ASXL3: variants seen among roughly 807,000 people sequenced by gnomAD.
ASXL3 encodes ASXL transcriptional regulator 3, also known as putative Polycomb group protein ASXL3.
Under a neutral mutation model 170.6 loss-of-function variants are expected in ASXL3, and 34 were observed. That is an observed-to-expected ratio of 0.20 (90% CI 0.15 to 0.27). ASXL3 has a LOEUF of 0.27. Among genes scored for constraint, ASXL3 ranks in the 10% least tolerant of loss-of-function variants. The pLI, the probability that ASXL3 is intolerant of heterozygous loss-of-function variation, is 1.00. For missense variants in ASXL3, 2,592 were observed against 2,695.3 expected, an observed-to-expected ratio of 0.96 and a Z score of 0.85; for synonymous variants, 1,002 against 989.1, an observed-to-expected ratio of 1.01 and a Z score of -0.24.
In ASXL3 at chr18:33,644,898, A is replaced by G. The variant is rs1414567119; in HGVS notation, c.142A>G (p.Thr48Ala). 6.4e-7 allele frequency: 1 copy of G among 1,557,382 alleles called. No individual in the cohort carries two copies. Among genetic ancestry groups the G allele is most frequent in the Admixed American group, 1.9e-5 (1 of 54,016 alleles). ...QKEGLKETSG[T>A]SPLACLNAML... ...TTGCACACTTTTATTTTCTAGTGGA[A>G]CCTCTCCATTAGCCTGTCTGAATGC... is the stretch of plus-strand genomic sequence containing the variant. Residue 48 changes from threonine to alanine, a missense_variant, in exon 3 of 12, where the codon ACC becomes GCC. Transcript: ENST00000269197.
chr18:33,745,247 C>A lies in ASXL3; in HGVS notation c.5399C>A (p.Pro1800His). The A allele has an allele frequency of 6.2e-7, 1 of 1,613,994 alleles. No individual in the cohort carries two copies. The highest frequency in any genetic ancestry group is 8.5e-7 in the Non-Finnish European group (1 of 1,179,896). Residue 1800 changes from proline to histidine, a missense_variant, in exon 12 of 12, where the codon CCC (proline) becomes CAC (histidine). Physicochemically the swap from Pro to His is moderately conservative, Grantham distance 77. This residue lies in a region of ASXL3 where 2,246 missense variants were observed against 2,219.6 expected (regional missense o/e 1.01). Coordinates refer to ENST00000269197, the MANE Select transcript of ASXL3 (RefSeq NM_030632.3). The part of the protein sequence containing the change: ...TAPERNVEIP[P>H]SSPNPDGKGY... ...CCAGAGAGAAACGTTGAAATTCCGCCCAGCTCTCCAAATCCAGATGGTAAG... is the reference window on the plus strand; with the variant it reads ...CCAGAGAGAAACGTTGAAATTCCGCACAGCTCTCCAAATCCAGATGGTAAG...
intron 2 of ASXL3, among the ~76,000 whole-genome samples, chr18:33,630,113 C>T (rs2065655513): frequency 6.6e-6 from 1 of 151,862 alleles, no homozygotes; most frequent in Non-Finnish European, 1.5e-5. Flanking sequence ...TTCTTTTAGG[C>T]CTACTACTGG....
intron 8 of ASXL3, among the ~76,000 whole-genome samples, chr18:33,709,534 T>G (rs1047483935): frequency 3.3e-5 from 5 of 152,174 alleles, no homozygotes; most frequent in Non-Finnish European, 1.5e-5. Context: ...AATACAAAAG[T>G]GTATGTACTG....
At chr18:33,725,571 T>C (rs373659519) in intron 8 of ASXL3, among the ~76,000 whole-genome samples, 29 of 152,278 alleles carry the variant, frequency 1.9e-4, no homozygotes, top group Admixed American at 4.6e-4. Flanking sequence ...ATACCCATGT[T>C]TCCAACTACA....
chr18:33,602,703 C>T (rs2065196760), intron 1 of ASXL3, among the ~76,000 whole-genome samples: 1 of 152,104 alleles, frequency 6.6e-6, no homozygotes, highest in Non-Finnish European at 1.5e-5. Flanking sequence ...AGGTCCTGTT[C>T]ATCTAGTCAC....
At chr18:33,613,710 G>C (rs1285796645) in intron 2 of ASXL3, among the ~76,000 whole-genome samples, 1 of 152,058 alleles carries the variant, frequency 6.6e-6, no homozygotes, top group Non-Finnish European at 1.5e-5. Context: ...CTTGAGCCCA[G>C]GAGTTTAAGA....
At chr18:33,713,030 A>G (rs1434212556) in intron 8 of ASXL3, among the ~76,000 whole-genome samples, 2 of 151,976 alleles carry the variant, frequency 1.3e-5, no homozygotes, top group African/African-American at 2.4e-5. Context: ...GGAGTGCACA[A>G]GTTACATACA....
At chr18:33,634,928 A>AC (rs2065741545) in intron 2 of ASXL3, among the ~76,000 whole-genome samples, 1 of 152,142 alleles carries the variant, frequency 6.6e-6, no homozygotes, top group African/African-American at 2.4e-5. Flanking sequence ...ACAGAACTAA[A>AC]TGCTACAATA....
chr18:33,659,763 TTAGC>T, intron 4 of ASXL3, among the ~76,000 whole-genome samples: 1 of 152,258 alleles, frequency 6.6e-6, no homozygotes, highest in South Asian at 2.1e-4. Context: ...AAACTGTTTC[TTAGC>T]TAGAACATTT....
intron 2 of ASXL3, among the ~76,000 whole-genome samples, chr18:33,632,685 G>A (rs920170584): frequency 2.0e-5 from 3 of 152,112 alleles, no homozygotes; most frequent in Non-Finnish European, 4.4e-5. Flanking sequence ...GTCTTTGCAT[G>A]TATTTCTTGA....
At chr18:33,734,237 A>G in intron 9 of ASXL3, 73 bp from the exon 10 acceptor site, 7 of 1,003,150 alleles carry the variant, frequency 7.0e-6, no homozygotes, top group Non-Finnish European at 1.0e-5. Flanking sequence ...ACTCAAATGA[A>G]TTACATGTTT....
At chr18:33,662,265 C>G (rs2066186178) in intron 5 of ASXL3, among the ~76,000 whole-genome samples, 1 of 152,142 alleles carries the variant, frequency 6.6e-6, no homozygotes, top group Non-Finnish European at 1.5e-5. Flanking sequence ...CAGTACGGGC[C>G]TTTGTGGCCT....
chr18:33,654,988 T>C (rs1450444991), intron 4 of ASXL3, among the ~76,000 whole-genome samples: 1 of 152,174 alleles, frequency 6.6e-6, no homozygotes, highest in East Asian at 1.9e-4. Context: ...AGCTACGTCT[T>C]ATGTATACAA....
At chr18:33,703,825 T>A (rs1289147486) in intron 8 of ASXL3, among the ~76,000 whole-genome samples, 1 of 152,132 alleles carries the variant, frequency 6.6e-6, no homozygotes, top group Admixed American at 6.6e-5. Context: ...AACTGTTTCT[T>A]CATTTGTTAT....
At chr18:33,663,427 C>A (rs975005200) in intron 5 of ASXL3, among the ~76,000 whole-genome samples, 1 of 152,024 alleles carries the variant, frequency 6.6e-6, no homozygotes, top group Non-Finnish European at 1.5e-5. Flanking sequence ...GTACTTTCAT[C>A]ATTTTGGTTT....
chr18:33,740,880 T>G (rs1445992588), intron 11 of ASXL3, among the ~76,000 whole-genome samples: 1 of 152,224 alleles, frequency 6.6e-6, no homozygotes, highest in Non-Finnish European at 1.5e-5. Flanking sequence ...ACTTGATGCT[T>G]TTATCTAAGT....
In ASXL3 at chr18:33,746,509, A is replaced by T. The variant is rs749360194; in HGVS notation, c.6661A>T (p.Ile2221Phe). ...LKCSCRLKAM[I>F]VCKGCGAFCH... ...ATGCTCTTGCCGGCTGAAAGCCATG[A>T]TTGTGTGCAAAGGCTGTGGGGCCTT... Residue 2221 changes from isoleucine to phenylalanine, a missense_variant, in exon 12 of 12, where the codon ATT becomes TTT. Physicochemically the swap from Ile to Phe is conservative, Grantham distance 21. Around this residue, in one of 4 missense-constraint regions of ASXL3, gnomAD observed 22 missense variants for 51.1 expected, o/e 0.43. Transcript: ENST00000269197. 2 of 1,613,864 alleles carry T rather than the reference A, an allele frequency of 1.2e-6. No homozygotes were observed. The highest frequency in any genetic ancestry group is 1.7e-6 in the Non-Finnish European group (2 of 1,179,868).
chr18:33,683,308 C>A, intron 7 of ASXL3, 97 bp from the exon 8 acceptor site: 1 of 1,037,540 alleles, frequency 9.6e-7, no homozygotes, highest in Non-Finnish European at 1.3e-6. Flanking sequence ...ATTGAATATA[C>A]ATGTTCACTA....
At chr18:33,608,173 T>G (rs2065277575) in intron 2 of ASXL3, among the ~76,000 whole-genome samples, 1 of 151,938 alleles carries the variant, frequency 6.6e-6, no homozygotes, top group African/African-American at 2.4e-5. Context: ...AATGTACAGT[T>G]TAGTGGGTTA....
Sources: allele counts gnomAD v4.1 joint callset (sites outside exome capture counted in the v4.1 genomes callset), GRCh38; gene constraint gnomAD v4.1.1; regional missense constraint gnomAD v4.1.1; transcripts MANE v1.5; gene names NCBI Gene and HGNC (gene_info 2026-07-23, HGNC 2026-07-21).